CDH13: variants seen among roughly 807,000 people sequenced by gnomAD.
CDH13 encodes cadherin 13.
CDH13 carries 24 observed loss-of-function variants against 63.8 expected under a neutral mutation model. The ratio of observed to expected loss-of-function variants is 0.38; its 90% CI spans 0.27 to 0.53. CDH13 has a LOEUF of 0.53. Among genes scored for constraint, CDH13 ranks in the 20% least tolerant of loss-of-function variants. The probability of loss-of-function intolerance (pLI) is 0.85; values close to 1 mark genes in which losing one functional copy is unlikely to be tolerated. For synonymous variants in CDH13, 503 were observed against 355.3 expected (o/e 1.42, Z -4.67); for missense variants, 1,049 against 903.1 (o/e 1.16, Z -2.07).
intron 3 of CDH13, among the ~76,000 whole-genome samples, chr16:83,106,990 G>A (rs2034797947): frequency 6.6e-6 from 1 of 152,024 alleles, no homozygotes; most frequent in South Asian, 2.1e-4. Flanking sequence ...ACTCTGGGCA[G>A]ACACACACTC....
rs114178594 is a variant in CDH13, at chr16:83,713,368, G to A, written c.1539-34740G>A. On this transcript the variant is annotated intron_variant, in intron 10 of 13. Coordinates refer to ENST00000567109, the MANE Select transcript of CDH13 (RefSeq NM_001257.5). ...TTTTCCAATGAGGTTCTTTGAGTCCGACTTATTTTTGACAAAGCCACACTG... is the reference window on the plus strand; with the variant it reads ...TTTTCCAATGAGGTTCTTTGAGTCCAACTTATTTTTGACAAAGCCACACTG... Among the ~76,000 whole-genome samples the A allele has an allele frequency of 3.1e-3, 465 of 152,246 alleles. 3 individuals carry two copies. The highest frequency in any genetic ancestry group is 0.011 in the African/African-American group (451 of 41,546).
At chr16:83,253,637 A>G (rs1905858098) in intron 5 of CDH13, among the ~76,000 whole-genome samples, 1 of 152,154 alleles carries the variant, frequency 6.6e-6, no homozygotes, top group Non-Finnish European at 1.5e-5. Flanking sequence ...TCATTTTGCT[A>G]GGGGTTGACA....
chr16:83,046,826 C>G (rs913881465), intron 3 of CDH13, among the ~76,000 whole-genome samples: 1 of 152,176 alleles, frequency 6.6e-6, no homozygotes, highest in South Asian at 2.1e-4. Context: ...AACCTTGTTA[C>G]AAACAATTCA....
intron 10 of CDH13, among the ~76,000 whole-genome samples, chr16:83,684,833 C>T (rs2150881168): frequency 6.6e-6 from 1 of 152,220 alleles, no homozygotes; most frequent in Admixed American, 6.5e-5. Flanking sequence ...TTTGGCTGAA[C>T]ATAACAGGAA....
At chr16:82,827,340 A>G (rs536179058) in intron 1 of CDH13, among the ~76,000 whole-genome samples, 4 of 152,262 alleles carry the variant, frequency 2.6e-5, no homozygotes, top group East Asian at 1.9e-4. Context: ...TACTGGATCT[A>G]GAGGCATTGG....
intron 6 of CDH13, among the ~76,000 whole-genome samples, chr16:83,481,595 A>G (rs1186090222): frequency 2.0e-5 from 3 of 152,200 alleles, no homozygotes; most frequent in Admixed American, 1.3e-4. Context: ...CACACTTGTT[A>G]ATCAGCCTGT....
intron 4 of CDH13, among the ~76,000 whole-genome samples, chr16:83,175,402 A>C (rs1391182371): frequency 6.6e-6 from 1 of 152,128 alleles, no homozygotes; most frequent in African/African-American, 2.4e-5. Flanking sequence ...CCATGCAGAC[A>C]CTATTAATTC....
chr16:83,644,920 A>G (rs1024576623), intron 8 of CDH13, among the ~76,000 whole-genome samples: 1 of 152,226 alleles, frequency 6.6e-6, no homozygotes, highest in Non-Finnish European at 1.5e-5. Context: ...TCTAGAATCC[A>G]GGGGCTAATG....
chr16:82,782,735 C>G (rs1486210129), intron 1 of CDH13, among the ~76,000 whole-genome samples: 1 of 152,130 alleles, frequency 6.6e-6, no homozygotes, highest in Non-Finnish European at 1.5e-5. Context: ...GCTTCACGAC[C>G]AAGCACATGC....
At chr16:83,044,885 A>C (rs914453084) in intron 3 of CDH13, among the ~76,000 whole-genome samples, 1 of 152,154 alleles carries the variant, frequency 6.6e-6, no homozygotes, top group African/African-American at 2.4e-5. Context: ...TCAGAGGTAA[A>C]TTTCCAGCTA....
intron 10 of CDH13, among the ~76,000 whole-genome samples, chr16:83,726,784 G>T (rs1910452419): frequency 6.6e-6 from 1 of 152,034 alleles, no homozygotes; most frequent in African/African-American, 2.4e-5. Flanking sequence ...CTTGTAGTGA[G>T]CGGAGATGGC....
In CDH13 at chr16:83,798,177, A is replaced by T. The variant is rs953171401; in HGVS notation, c.*3147A>T. On this transcript the variant is annotated 3_prime_UTR_variant, in exon 14 of 14. Coordinates refer to ENST00000567109, the MANE Select transcript of CDH13 (RefSeq NM_001257.5). ...ATAAATGGAACAACCATCTACCATCACACTCATAGAGTAGCTCAAATTGCA... is the reference window on the plus strand; with the variant it reads ...ATAAATGGAACAACCATCTACCATCTCACTCATAGAGTAGCTCAAATTGCA... The T allele has an allele frequency of 7.2e-5, 11 of 152,248 alleles. No homozygotes were observed. Among genetic ancestry groups the T allele is most frequent in the Admixed American group, 5.2e-4 (8 of 15,288 alleles). The allele number at this position is 152,248 out of a possible 1,614,324, so 9.4% of individuals were successfully genotyped here. A position where few individuals can be genotyped will look rare whatever the true frequency, so the allele number is the denominator to read the frequency against.
chr16:82,994,754 C>G (rs766806090), intron 2 of CDH13, among the ~76,000 whole-genome samples: 9 of 152,178 alleles, frequency 5.9e-5, no homozygotes, highest in Non-Finnish European at 8.8e-5. Flanking sequence ...TCTTAGCTGG[C>G]TCAGATGATC....
At chr16:83,020,030 C>T (rs961954631) in intron 2 of CDH13, among the ~76,000 whole-genome samples, 14 of 152,084 alleles carry the variant, frequency 9.2e-5, no homozygotes, top group African/African-American at 2.4e-4. Flanking sequence ...TGCACTCTGA[C>T]GTTATGACAG....
At chr16:83,612,691 T>C (rs75126834) in intron 8 of CDH13, among the ~76,000 whole-genome samples, 108 of 152,168 alleles carry the variant, frequency 7.1e-4, no homozygotes, top group Non-Finnish European at 1.3e-3. Context: ...TTCATATTCT[T>C]GTAGTGGGTT....
At chr16:83,210,812 G>A (rs1455606105) in intron 4 of CDH13, among the ~76,000 whole-genome samples, 1 of 151,686 alleles carries the variant, frequency 6.6e-6, no homozygotes, top group Non-Finnish European at 1.5e-5. Flanking sequence ...AGTCACACAT[G>A]GCAGTGGGGG....
intron 6 of CDH13, among the ~76,000 whole-genome samples, chr16:83,430,143 C>G (rs973252368): frequency 6.6e-6 from 1 of 152,168 alleles, no homozygotes; most frequent in Non-Finnish European, 1.5e-5. Context: ...GAATTGATAT[C>G]AGGATCTTGA....
intron 4 of CDH13, among the ~76,000 whole-genome samples, chr16:83,188,213 G>A (rs892665833): frequency 2.3e-4 from 35 of 152,124 alleles, no homozygotes; most frequent in African/African-American, 7.2e-4. Flanking sequence ...TCTGGCTGAC[G>A]GATGGAGAAT....
At chr16:82,898,298 G>T (rs1042168968) in intron 2 of CDH13, among the ~76,000 whole-genome samples, 1 of 152,162 alleles carries the variant, frequency 6.6e-6, no homozygotes, top group Non-Finnish European at 1.5e-5. Context: ...GCCAAGGTGG[G>T]TGGATCACCC....
Sources: allele counts gnomAD v4.1 joint callset (sites outside exome capture counted in the v4.1 genomes callset), GRCh38; gene constraint gnomAD v4.1.1; transcripts MANE v1.5; gene names NCBI Gene and HGNC (gene_info 2026-07-23, HGNC 2026-07-21).